CSK: variants seen among roughly 807,000 people sequenced by gnomAD.
The protein encoded by CSK is tyrosine-protein kinase CSK.
In CSK, 7 loss-of-function variants were observed where a neutral mutation model predicts 62.3. The ratio of observed to expected loss-of-function variants is 0.11; its 90% CI spans 0.06 to 0.21. The LOEUF is 0.21. Among genes scored for constraint, CSK ranks in the 10% least tolerant of loss-of-function variants. The pLI is 1.00. For missense variants in CSK, 294 were observed against 613.5 expected, an observed-to-expected ratio of 0.48 and a Z score of 5.50; for synonymous variants, 237 against 246.0, an observed-to-expected ratio of 0.96 and a Z score of 0.34.
At chr15:74,785,122 A>G (rs2063496061) in intron 1 of CSK, among the ~76,000 whole-genome samples, 1 of 152,246 alleles carries the variant, frequency 6.6e-6, no homozygotes, top group South Asian at 2.1e-4. Flanking sequence ...TTTCTTCAGC[A>G]GGCAGTGACT....
At position 74,802,652 on chromosome 15, in the gene CSK, A is replaced by T. The variant is rs564802106; in HGVS notation, c.*139A>T. On this transcript the variant is annotated 3_prime_UTR_variant, in exon 13 of 13. Transcript: ENST00000220003. ...GCCTTTTTCCTGCGTCCCAGCCTGC[A>T]CCCCTCCGGCCCCGTCTCTCTTGGA... is the stretch of plus-strand genomic sequence containing the variant. 8 of 1,062,736 alleles carry T rather than the reference A, an allele frequency of 7.5e-6. No homozygotes were observed. The highest frequency in any genetic ancestry group is 6.0e-4 in the Middle Eastern group (2 of 3,306). The allele number at this position is 1,062,736 out of a possible 1,614,324, so 65.8% of individuals were successfully genotyped here.
At position 74,786,042 on chromosome 15, in the gene CSK, T is replaced by TGTGTGTGTGTGTGA. The variant is rs1316590295; in HGVS notation, c.-66+3323_-66+3324insTGTGTGTGTGTGAG. 4.2e-3 allele frequency among the ~76,000 whole-genome samples: 478 copies of TGTGTGTGTGTGTGA among 114,798 alleles called. 5 individuals carry two copies. The highest frequency in any genetic ancestry group is 0.015 in the East Asian group (49 of 3,326). 75.3% of individuals were successfully genotyped at this position (114,798 alleles called of 152,430 possible). ...GTGTGTGTGTGTGTGTGTGTGTGTG[T>TGTGTGTGTGTGTGA]GAGATGGAGTTTTGCTCTTGTTGCC... On this transcript the variant is annotated intron_variant, in intron 1 of 12. Transcript: ENST00000220003.
Position 74,801,558 on chromosome 15 carries a change from T to A in CSK, c.850T>A (p.Ser284Thr). Residue 284 changes from serine to threonine, a missense_variant, in exon 10 of 13, where the codon TCA (serine) becomes ACA (threonine). By Grantham distance (58) the Ser-to-Thr change is moderately conservative. Coordinates refer to ENST00000220003, the MANE Select transcript of CSK (RefSeq NM_004383.3). ...GGACTACCTGCGGTCTAGGGGTCGG[T>A]CAGTGCTGGGCGGAGACTGTCTCCT... is the stretch of plus-strand genomic sequence containing the variant. ...LVDYLRSRGRSVLGGDCLLKF... is the reference protein window; with the variant it reads ...LVDYLRSRGRTVLGGDCLLKF... 6.2e-7 allele frequency: 1 copy of A among 1,613,814 alleles called. No homozygotes were observed. Among genetic ancestry groups the A allele is most frequent in the Admixed American group, 1.7e-5 (1 of 59,980 alleles).
At position 74,799,255 on chromosome 15, in the gene CSK, G is replaced by T; in HGVS notation, c.243-17G>T. ...TACCTTTGGGCCACCATGACCTCCA[G>T]CCCTGCTGCTCCCCAGTTGGTTCCA... On this transcript the variant is annotated splice_polypyrimidine_tract_variant and intron_variant, in intron 4 of 12. Coordinates refer to ENST00000220003, the MANE Select transcript of CSK (RefSeq NM_004383.3). 6.3e-7 allele frequency: 1 copy of T among 1,599,468 alleles called. No homozygotes were observed. The highest frequency in any genetic ancestry group is 8.5e-7 in the Non-Finnish European group (1 of 1,172,910).
intron 1 of CSK, among the ~76,000 whole-genome samples, chr15:74,785,115 C>G (rs948022692): frequency 2.6e-5 from 4 of 152,200 alleles, no homozygotes; most frequent in Admixed American, 1.3e-4. Flanking sequence ...CCCACTATTT[C>G]TTCAGCAGGC....
At position 74,802,660 on chromosome 15, in the gene CSK, G is replaced by A. The variant is rs1204777538; in HGVS notation, c.*147G>A. 3.3e-5 allele frequency: 33 copies of A among 999,482 alleles called. No individual in the cohort carries two copies. Among genetic ancestry groups the A allele is most frequent in the South Asian group, 5.0e-5 (3 of 59,420 alleles). The allele number at this position is 999,482 out of a possible 1,614,324, so 61.9% of individuals were successfully genotyped here. A position where few individuals can be genotyped will look rare whatever the true frequency, so the allele number is the denominator to read the frequency against. ...CCTGCGTCCCAGCCTGCACCCCTCC[G>A]GCCCCGTCTCTCTTGGACCCACCTG... On this transcript the variant is annotated 3_prime_UTR_variant, in exon 13 of 13. Coordinates refer to ENST00000220003, the MANE Select transcript of CSK (RefSeq NM_004383.3).
At chr15:74,800,556 G>A (rs756669136) in intron 6 of CSK, 51 bp downstream of exon 6, 23 of 1,579,898 alleles carry the variant, frequency 1.5e-5, no homozygotes, top group Non-Finnish European at 2.0e-5. Context: ...CTCCCACGCA[G>A]GCTTCCTGGC....
chr15:74,783,911 G>A (rs2063477238), intron 1 of CSK, among the ~76,000 whole-genome samples: 1 of 152,244 alleles, frequency 6.6e-6, no homozygotes, highest in East Asian at 1.9e-4. Flanking sequence ...CATGGGAACC[G>A]TGGAAGCTCT....
intron 4 of CSK, 32 bp from the exon 5 acceptor site, chr15:74,799,240 C>A: frequency 6.3e-7 from 1 of 1,582,178 alleles, no homozygotes; most frequent in Non-Finnish European, 8.6e-7. Flanking sequence ...TACCTTTGGG[C>A]CACCATGACC....
chr15:74,793,834 C>A (rs2141806131), intron 1 of CSK, among the ~76,000 whole-genome samples: 1 of 152,156 alleles, frequency 6.6e-6, no homozygotes, highest in East Asian at 1.9e-4. Flanking sequence ...GCGCAGCAGC[C>A]TCCGCGCCCC....
In CSK at chr15:74,800,666, G is replaced by A. The variant is rs1458932863; in HGVS notation, c.557-15G>A. 6 of 1,542,112 alleles carry A rather than the reference G, an allele frequency of 3.9e-6. No individual in the cohort carries two copies. In the African/African-American group the frequency reaches 8.2e-5, roughly 21 times the overall value. ...CCCTAGTGGCCTCCAGGCCCTCACT[G>A]GCCCCTCCCCACAGGCGGCTGGGCC... On this transcript the variant is annotated splice_polypyrimidine_tract_variant and intron_variant, in intron 6 of 12. Coordinates refer to ENST00000220003, the MANE Select transcript of CSK (RefSeq NM_004383.3).
At chr15:74,802,300 T>C in intron 12 of CSK, 31 bp from the exon 13 acceptor site, 1 of 1,555,090 alleles carries the variant, frequency 6.4e-7, no homozygotes, top group Non-Finnish European at 8.6e-7. Context: ...GGCCAGGGCC[T>C]GGACTGACTC....
intron 1 of CSK, among the ~76,000 whole-genome samples, chr15:74,783,758 A>C (rs2063473831): frequency 1.3e-5 from 2 of 152,212 alleles, no homozygotes; most frequent in Admixed American, 6.5e-5. Flanking sequence ...GTGTATGGCC[A>C]TCTGTGTGGT....
chr15:74,798,491 T>C lies in CSK; in HGVS notation c.16-124T>C. 4 of 1,222,980 alleles carry C rather than the reference T, an allele frequency of 3.3e-6. No individual in the cohort carries two copies. In the South Asian group the frequency reaches 5.1e-5, roughly 16 times the overall value. The allele number at this position is 1,222,980 out of a possible 1,614,324, so 75.8% of individuals were successfully genotyped here. On this transcript the variant is annotated intron_variant, in intron 2 of 12. Transcript: ENST00000220003. The surrounding 1 kb of genome is among the most constrained non-coding windows in gnomAD (Gnocchi z 6.6). ...ACAGGAAGGGACCCAGGGCTCGTTC[T>C]CCGGGCAGAGCACCTCACCCAGGCT... is the stretch of plus-strand genomic sequence containing the variant.
At chr15:74,785,793 T>C (rs2063506254) in intron 1 of CSK, among the ~76,000 whole-genome samples, 1 of 152,080 alleles carries the variant, frequency 6.6e-6, no homozygotes, top group Non-Finnish European at 1.5e-5. Context: ...TGAAACCCCC[T>C]GGCCCTGAGG....
At chr15:74,789,922 T>A (rs2063591943) in intron 1 of CSK, among the ~76,000 whole-genome samples, 1 of 152,178 alleles carries the variant, frequency 6.6e-6, no homozygotes, top group Non-Finnish European at 1.5e-5. Flanking sequence ...AGCCCTGGCT[T>A]GTGCACAGAG....
intron 10 of CSK, 21 bp downstream of exon 10, chr15:74,801,616 G>T (rs772618856): frequency 2.5e-6 from 4 of 1,613,244 alleles, no homozygotes; most frequent in Non-Finnish European, 3.4e-6. Context: ...CAGCCTCTTG[G>T]ATGGGTAGGG....
intron 1 of CSK, among the ~76,000 whole-genome samples, chr15:74,795,999 C>G (rs542019183): frequency 1.3e-5 from 2 of 152,264 alleles, no homozygotes; most frequent in South Asian, 4.1e-4. Flanking sequence ...AGGCGGATCA[C>G]TTGAGGCCAG....
chr15:74,793,406 C>T (rs973222602), intron 1 of CSK, among the ~76,000 whole-genome samples: 4 of 151,772 alleles, frequency 2.6e-5, no homozygotes, highest in African/African-American at 9.7e-5. Context: ...CTCCTCCCTC[C>T]TCTCCCTTGC....
Sources: allele counts gnomAD v4.1 joint callset (sites outside exome capture counted in the v4.1 genomes callset), GRCh38; gene constraint gnomAD v4.1.1; non-coding constraint Gnocchi (gnomAD v3.1); transcripts MANE v1.5; gene names NCBI Gene and HGNC (gene_info 2026-07-23, HGNC 2026-07-21).